The following COX19 variants were observed in gnomAD, a reference collection of about 807,000 sequenced individuals.
The protein encoded by COX19 is cytochrome c oxidase assembly protein COX19.
Under a neutral mutation model 6.8 loss-of-function variants are expected in COX19, and 8 were observed. The ratio of observed to expected loss-of-function variants is 1.18; its 90% confidence interval spans 0.69 to 2.12. COX19 has a LOEUF of 2.12. COX19 is among the 30% of genes most tolerant of loss of function. COX19 has a pLI of 0.00. For synonymous variants in COX19, 51 were observed against 38.0 expected, an observed-to-expected ratio of 1.34 and a Z score of -1.26; for missense variants, 131 against 104.6, an observed-to-expected ratio of 1.25 and a Z score of -1.10.
chr7:971,795 C>T (rs1046428251), intron 2 of COX19, among the ~76,000 whole-genome samples: 13 of 152,290 alleles, frequency 8.5e-5, no homozygotes, highest in African/African-American at 1.7e-4. Context: ...GGGGTGAACC[C>T]GGGAGGCGGA....
chr7:969,216 C>T lies in COX19; in HGVS notation c.*162G>A, dbSNP rs1419904553. ...AACACCCTCCTAAGGGAAAACGGGA[C>T]GCCACTCCCTACCCAGGAGACGCCC... On this transcript the variant is annotated 3_prime_UTR_variant, in exon 3 of 3. Coordinates refer to ENST00000344111, the MANE Select transcript of COX19 (RefSeq NM_001031617.3). 30 of 636,990 alleles carry T rather than the reference C, an allele frequency of 4.7e-5. No individual in the cohort carries two copies. The highest frequency in any genetic ancestry group is 1.0e-4 in the Admixed American group (4 of 40,164). 39.5% of individuals were successfully genotyped at this position (636,990 alleles called of 1,614,324 possible). A position where few individuals can be genotyped will look rare whatever the true frequency, so the allele number is the denominator to read the frequency against.
intron 2 of COX19, 89 bp from the exon 3 acceptor site, chr7:969,545 G>A: frequency 1.2e-6 from 1 of 844,220 alleles, no homozygotes; most frequent in Non-Finnish European, 2.0e-6. Context: ...GCGCACACCG[G>A]GGGTCCTGCC....
intron 2 of COX19, 47 bp from the exon 3 acceptor site, chr7:969,503 C>T (rs1847605756): frequency 8.1e-7 from 1 of 1,230,008 alleles, no homozygotes; most frequent in African/African-American, 1.5e-5. Flanking sequence ...GCAGAGAGGA[C>T]AAGAGGGGCC....
chr7:965,112 C>T lies in COX19; in HGVS notation c.*4266G>A, dbSNP rs775744591. Among the ~76,000 whole-genome samples the T allele has an allele frequency of 1.4e-4, 22 of 152,130 alleles. No homozygotes were observed. The highest frequency in any genetic ancestry group is 3.1e-4 in the Non-Finnish European group (21 of 68,030). The stretch of plus-strand genomic sequence containing the variant: ...ACACAATGGCGCTATTTTGGGATTC[C>T]GGCTTCTCTGCCTGTGACCTGCTGA... On this transcript the variant is annotated 3_prime_UTR_variant, in exon 3 of 3. Coordinates refer to ENST00000344111, the MANE Select transcript of COX19 (RefSeq NM_001031617.3).
At chr7:969,615 T>C (rs1039317092) in intron 2 of COX19, among the ~76,000 whole-genome samples, 159 bp from the exon 3 acceptor site, 29 of 152,068 alleles carry the variant, frequency 1.9e-4, no homozygotes, top group Admixed American at 1.8e-3. Flanking sequence ...GCTGGTGCCT[T>C]CCCCACTGGG....
intron 1 of COX19, among the ~76,000 whole-genome samples, chr7:974,665 C>CTT (rs1046460260): frequency 6.8e-6 from 1 of 146,806 alleles, no homozygotes; most frequent in Non-Finnish European, 1.5e-5. Flanking sequence ...TCTTTTCTTT[C>CTT]TTTTTTTTTT....
chr7:975,464 G>GA lies in COX19; in HGVS notation c.45_46insT (p.Pro16SerfsTer14), dbSNP rs1847692922. 1 of 1,601,750 alleles carries GA rather than the reference G, an allele frequency of 6.2e-7. No individual in the cohort carries two copies. Among genetic ancestry groups the GA allele is most frequent in the African/African-American group, 1.4e-5 (1 of 72,892 alleles). On this transcript the variant is annotated frameshift_variant, in exon 1 of 3. Coordinates refer to ENST00000344111, the MANE Select transcript of COX19 (RefSeq NM_001031617.3). LOFTEE classifies it high-confidence loss of function. ...AGCGGGAAGCTGCCCTTGTCCGGGG[G>GA]CCGCGGCTGGAAGCTCTTGGTCCCG... is the stretch of plus-strand genomic sequence containing the variant.
rs1411569388 is a variant in COX19 at position 968,628 on chromosome 7, C to T, written c.*750G>A. On this transcript the variant is annotated 3_prime_UTR_variant, in exon 3 of 3. Coordinates refer to ENST00000344111, the MANE Select transcript of COX19 (RefSeq NM_001031617.3). ...GCACAGACGGGCTGAGAACTCCGCTCAGGGCCCCTGCCAGGCTGTGCTGCG... is the reference window on the plus strand; with the variant it reads ...GCACAGACGGGCTGAGAACTCCGCTTAGGGCCCCTGCCAGGCTGTGCTGCG... The T allele has an allele frequency of 6.6e-6, 1 of 152,272 alleles. No homozygotes were observed. Among genetic ancestry groups the T allele is most frequent in the African/African-American group, 2.4e-5 (1 of 41,462 alleles). The allele number at this position is 152,272 out of a possible 1,614,324, so 9.4% of individuals were successfully genotyped here.
At chr7:970,395 A>G (rs1278504808) in intron 2 of COX19, among the ~76,000 whole-genome samples, 2 of 151,366 alleles carry the variant, frequency 1.3e-5, no homozygotes, top group Non-Finnish European at 2.9e-5. Context: ...TGGTCTCCAA[A>G]AGTGCTGGGA....
chr7:974,069 C>A (rs903147722), intron 1 of COX19, among the ~76,000 whole-genome samples: 2 of 148,556 alleles, frequency 1.3e-5, no homozygotes, highest in South Asian at 2.1e-4. Flanking sequence ...TGGTGTTGCA[C>A]ACCTATAGTC....
chr7:971,075 G>A (rs1847627917), intron 2 of COX19, among the ~76,000 whole-genome samples: 1 of 152,168 alleles, frequency 6.6e-6, no homozygotes, highest in Non-Finnish European at 1.5e-5. Flanking sequence ...AACCCAGCCA[G>A]GAGGCCCAGC....
chr7:975,280 G>C (rs1039251794), intron 1 of COX19, 148 bp downstream of exon 1: 13 of 605,932 alleles, frequency 2.1e-5, no homozygotes, highest in Non-Finnish European at 2.8e-6. Context: ...CAGTGACCCA[G>C]GGCTGGGTGG....
intron 1 of COX19, 42 bp downstream of exon 1, chr7:975,384 ACC>A: frequency 6.8e-7 from 1 of 1,463,694 alleles, no homozygotes; most frequent in Non-Finnish European, 9.3e-7. Flanking sequence ...CGCGACCCAG[ACC>A]CCCCATCGCA....
rs58481554 is a variant in COX19 at position 969,956 on chromosome 7, ATT to A, written c.195-502_195-501del. On this transcript the variant is annotated intron_variant, in intron 2 of 2. Coordinates refer to ENST00000344111, the MANE Select transcript of COX19 (RefSeq NM_001031617.3). ...AGACTCAGGTCGACAGTTATCTGATATTTTTTTTTTTTTTTTTTTTTTTAAGA... is the reference window on the plus strand; with the variant it reads ...AGACTCAGGTCGACAGTTATCTGATATTTTTTTTTTTTTTTTTTTTTAAGA... Among the ~76,000 whole-genome samples, 1,037 of 117,496 alleles carry A rather than the reference ATT, an allele frequency of 8.8e-3. 6 individuals carry two copies. Among genetic ancestry groups the A allele is most frequent in the African/African-American group, 0.015 (442 of 29,888 alleles). The allele number at this position is 117,496 out of a possible 152,430, so 77.1% of individuals were successfully genotyped here.
intron 1 of COX19, chr7:975,163 A>G: frequency 2.5e-6 from 1 of 406,688 alleles, no homozygotes; most frequent in Non-Finnish European, 4.4e-6. Context: ...CGGGTGAGTC[A>G]GGGCGGAGCC....
At chr7:975,192 C>T in intron 1 of COX19, 1 of 428,334 alleles carries the variant, frequency 2.3e-6, no homozygotes, top group South Asian at 4.8e-5. Context: ...GGAAGCCTGA[C>T]GCAAGGAGTC....
intron 2 of COX19, among the ~76,000 whole-genome samples, chr7:971,659 C>CA (rs758466446): frequency 2.6e-5 from 4 of 152,152 alleles, no homozygotes; most frequent in Non-Finnish European, 4.4e-5. Context: ...ACCATGAGGT[C>CA]AGGAGATCCA....
intron 1 of COX19, chr7:975,203 G>A (rs983637119): frequency 1.2e-5 from 5 of 427,312 alleles, no homozygotes; most frequent in Admixed American, 8.9e-5. Flanking sequence ...GCAAGGAGTC[G>A]GTGTCGCTGC....
In COX19 at chr7:967,637, T is replaced by C. The variant is rs2128116669; in HGVS notation, c.*1741A>G. Reference sequence around the variant, plus strand: ...CCGGGAGCTCCGTCGGCATGGTCTGTTGTGTTCCCCTCACATCCTGGTTCA... The same window carrying C: ...CCGGGAGCTCCGTCGGCATGGTCTGCTGTGTTCCCCTCACATCCTGGTTCA... On this transcript the variant is annotated 3_prime_UTR_variant, in exon 3 of 3. Transcript: ENST00000344111. 6.6e-6 allele frequency: 1 copy of C among 152,374 alleles called. No individual in the cohort carries two copies. The highest frequency in any genetic ancestry group is 1.9e-4 in the East Asian group (1 of 5,178). The allele number at this position is 152,374 out of a possible 1,614,324, so 9.4% of individuals were successfully genotyped here. A position where few individuals can be genotyped will look rare whatever the true frequency, so the allele number is the denominator to read the frequency against.
Sources: allele counts gnomAD v4.1 joint callset (sites outside exome capture counted in the v4.1 genomes callset), GRCh38; gene constraint gnomAD v4.1.1; transcripts MANE v1.5; gene names NCBI Gene and HGNC (gene_info 2026-07-23, HGNC 2026-07-21).